CYP2U1: variants seen among roughly 807,000 people sequenced by gnomAD.
CYP2U1 encodes cytochrome P450 family 2 subfamily U member 1, also known as cytochrome P450 2U1.
Under a neutral mutation model 42.8 loss-of-function variants are expected in CYP2U1, and 28 were observed. The observed-to-expected ratio is 0.65, with a 90% CI of 0.48 to 0.90. The LOEUF (loss-of-function observed/expected upper bound fraction) is 0.90. Among genes scored for constraint, CYP2U1 ranks in the 40% least tolerant of loss-of-function variants. The pLI is 0.00. For missense variants in CYP2U1, 642 were observed against 693.8 expected (o/e 0.93, Z 0.84); for synonymous variants, 296 against 278.9 (o/e 1.06, Z -0.61).
Position 107,931,821 on chromosome 4 carries a change from C to A in CYP2U1, c.178C>A (p.Pro60Thr). Residue 60 changes from proline (P) to threonine (T), a missense_variant, in exon 1 of 5, where the codon CCG becomes ACG. Transcript: ENST00000332884. Reference sequence around the variant, plus strand: ...GCGGAGGCGCCGGGCGCGGGGCATCCCGCCCGGGCCCACGCCCTGGCCTCT... The same window carrying A: ...GCGGAGGCGCCGGGCGCGGGGCATCACGCCCGGGCCCACGCCCTGGCCTCT... ...WLRRRRARGI[P>T]PGPTPWPLVG... is the part of the protein sequence containing the mutation. The A allele has an allele frequency of 2.6e-6, 4 of 1,525,404 alleles. No homozygotes were observed. Among genetic ancestry groups the A allele is most frequent in the Non-Finnish European group, 3.5e-6 (4 of 1,135,470 alleles). 94.5% of individuals were successfully genotyped at this position (1,525,404 alleles called of 1,614,324 possible).
At chr4:107,940,213 G>C (rs976339845) in intron 1 of CYP2U1, 3 of 151,440 alleles carry the variant, frequency 2.0e-5, no homozygotes, top group African/African-American at 7.3e-5. Context: ...CCGAGTAGCT[G>C]GAACTACAGG....
intron 2 of CYP2U1, among the ~76,000 whole-genome samples, chr4:107,946,782 T>C (rs967956140): frequency 4.6e-5 from 7 of 152,090 alleles, no homozygotes; most frequent in Non-Finnish European, 1.0e-4. Context: ...AGGGTGGCTA[T>C]CCATATGACT....
intron 1 of CYP2U1, chr4:107,935,583 T>C (rs184958306): frequency 6.6e-6 from 1 of 152,160 alleles, no homozygotes; most frequent in Admixed American, 6.5e-5. Context: ...TAGCAGAGGA[T>C]TTTTTTAATA....
At chr4:107,933,867 T>G (rs1315716232) in intron 1 of CYP2U1, among the ~76,000 whole-genome samples, 3 of 151,056 alleles carry the variant, frequency 2.0e-5, no homozygotes, top group Non-Finnish European at 4.4e-5. Flanking sequence ...TACAGATGTG[T>G]TTTTTTGATC....
intron 1 of CYP2U1, chr4:107,941,149 A>T (rs1177359355): frequency 2.0e-5 from 3 of 152,220 alleles, no homozygotes; most frequent in Non-Finnish European, 4.4e-5. Context: ...ATCCACTTTT[A>T]AAAAATTTAA....
In CYP2U1 at chr4:107,931,743, G is replaced by C. The variant is rs1213198971; in HGVS notation, c.100G>C (p.Gly34Arg). ...PLGLLRLDPS[G>R]GALLLCGLVA... ...GGGGCTGCTGCGGCTGGACCCCAGCGGGGGCGCGCTGCTGCTATGCGGCCT... is the reference window on the plus strand; with the variant it reads ...GGGGCTGCTGCGGCTGGACCCCAGCCGGGGCGCGCTGCTGCTATGCGGCCT... The change falls in exon 1 of 5, where the codon GGG (glycine) becomes CGG (arginine). Residue 34 changes from glycine (G) to arginine (R), a missense_variant. Physicochemically the swap from Gly to Arg is moderately radical, Grantham distance 125. Coordinates refer to ENST00000332884, the MANE Select transcript of CYP2U1 (RefSeq NM_183075.3). 5 of 1,422,402 alleles carry C rather than the reference G, an allele frequency of 3.5e-6. No individual in the cohort carries two copies. Among genetic ancestry groups the C allele is most frequent in the South Asian group, 1.5e-5 (1 of 65,794 alleles). 88.1% of individuals were successfully genotyped at this position (1,422,402 alleles called of 1,614,324 possible). A position where few individuals can be genotyped will look rare whatever the true frequency, so the allele number is the denominator to read the frequency against.
chr4:107,942,093 G>A (rs564976109), intron 1 of CYP2U1, among the ~76,000 whole-genome samples: 6 of 152,270 alleles, frequency 3.9e-5, no homozygotes, highest in African/African-American at 1.2e-4. Flanking sequence ...GTGTATCTGC[G>A]TGACAATGGA....
intron 1 of CYP2U1, chr4:107,938,485 G>C (rs1033352810): frequency 2.0e-5 from 3 of 152,166 alleles, no homozygotes; most frequent in African/African-American, 4.8e-5. Flanking sequence ...GGGAAAATAG[G>C]CATCTCAGGA....
At chr4:107,940,890 T>TA (rs1303230766) in intron 1 of CYP2U1, 2 of 152,200 alleles carry the variant, frequency 1.3e-5, no homozygotes, top group African/African-American at 4.8e-5. Flanking sequence ...GGACTAAACT[T>TA]ACTGGCTAAA....
At position 107,947,443 on chromosome 4, in the gene CYP2U1, C is replaced by T; in HGVS notation, c.1194C>T (p.Ala398=). ...GAGCTCCTTCCCTCACAGACAAGGCCCAGATGCCCTACACAGAAGCCACCA... is the reference window on the plus strand; with the variant it reads ...GAGCTCCTTCCCTCACAGACAAGGCTCAGATGCCCTACACAGAAGCCACCA... ...ANRAPSLTDK[A]QMPYTEATIM... is the part of the protein sequence containing the mutation. The change falls in exon 3 of 5, where the codon GCC becomes GCT. Residue 398 remains alanine, a synonymous_variant. Transcript: ENST00000332884. 1 of 1,614,090 alleles carries T rather than the reference C, an allele frequency of 6.2e-7. No individual in the cohort carries two copies. The highest frequency in any genetic ancestry group is 8.5e-7 in the Non-Finnish European group (1 of 1,180,008).
chr4:107,931,702 T>G lies in CYP2U1; in HGVS notation c.59T>G (p.Leu20Arg). The change falls in exon 1 of 5, where the codon CTC (leucine) becomes CGC (arginine). Residue 20 changes from leucine to arginine, a missense_variant. Leu to Arg is a moderately radical substitution (Grantham distance 102). Transcript: ENST00000332884. The stretch of plus-strand genomic sequence containing the variant: ...GAGGACCCGCCCTGGCCCGCGCGCC[T>G]CCTGCGTGCGCCTCTGGGGCTGCTG... ...PAEDPPWPAR[L>R]LRAPLGLLRL... The G allele has an allele frequency of 7.4e-7, 1 of 1,346,170 alleles. No individual in the cohort carries two copies. The highest frequency in any genetic ancestry group is 9.5e-7 in the Non-Finnish European group (1 of 1,058,034). 83.4% of individuals were successfully genotyped at this position (1,346,170 alleles called of 1,614,324 possible).
chr4:107,943,725 A>G (rs757379845), intron 1 of CYP2U1, among the ~76,000 whole-genome samples: 16 of 152,344 alleles, frequency 1.1e-4, no homozygotes, highest in Admixed American at 3.3e-4. Flanking sequence ...GAGAAAATTT[A>G]ACCATGGAGC....
rs2126199638 is a variant in CYP2U1 at position 107,945,536 on chromosome 4, G to A, written c.1057G>A (p.Gly353Arg). 3.1e-6 allele frequency: 5 copies of A among 1,613,120 alleles called. No individual in the cohort carries two copies. Among genetic ancestry groups the A allele is most frequent in the Non-Finnish European group, 4.2e-6 (5 of 1,179,468 alleles). The change falls in exon 2 of 5, where the codon GGG becomes AGG. Residue 353 changes from glycine (G) to arginine (R), a missense_variant. Coordinates refer to ENST00000332884, the MANE Select transcript of CYP2U1 (RefSeq NM_183075.3). ...TATCATTGGGGATCTCTTTATTGCT[G>A]GGACTGATACCACAACTAACTCTTT... ...FYIIGDLFIA[G>R]TDTTTNSLLW...
rs373081734 is a variant in CYP2U1 at position 107,945,409 on chromosome 4, T to G, written c.930T>G (p.Asp310Glu). 2 of 1,614,048 alleles carry G rather than the reference T, an allele frequency of 1.2e-6. No individual in the cohort carries two copies. The highest frequency in any genetic ancestry group is 2.2e-5 in the South Asian group (2 of 91,082). The change falls in exon 2 of 5, where the codon GAT becomes GAG. Residue 310 changes from aspartate (D) to glutamate (E), a missense_variant. Coordinates refer to ENST00000332884, the MANE Select transcript of CYP2U1 (RefSeq NM_183075.3). The stretch of plus-strand genomic sequence containing the variant: ...TCAAAGACCATCAAGAGTCTCTGGA[T>G]AGAGAGAACCCTCAGGACTTCATAG... ...KIIKDHQESLDRENPQDFIDM... is the reference protein window; with the variant it reads ...KIIKDHQESLERENPQDFIDM...
chr4:107,932,139 C>G lies in CYP2U1; in HGVS notation c.490+6C>G, dbSNP rs147612190. The G allele has an allele frequency of 1.9e-6, 3 of 1,600,148 alleles. No individual in the cohort carries two copies. The highest frequency in any genetic ancestry group is 2.6e-6 in the Non-Finnish European group (3 of 1,174,466). On this transcript the variant is annotated splice_donor_region_variant and intron_variant, in intron 1 of 4. Transcript: ENST00000332884. Reference sequence around the variant, plus strand: ...CATCGTGACCAAGGAGAAGGGTGAGCGGGAGGTCGTGGGCTGTGGGTACGC... The same window carrying G: ...CATCGTGACCAAGGAGAAGGGTGAGGGGGAGGTCGTGGGCTGTGGGTACGC...
Position 107,931,606 on chromosome 4 carries a change from G to C in CYP2U1, c.-38G>C. On this transcript the variant is annotated 5_prime_UTR_variant, in exon 1 of 5. Coordinates refer to ENST00000332884, the MANE Select transcript of CYP2U1 (RefSeq NM_183075.3). ...GGCAGCTGCGTGCGCGTCTCCTCCA[G>C]GCAGCAAGGGGAACCCGAGGCCGCC... 8.0e-7 allele frequency: 1 copy of C among 1,246,018 alleles called. No homozygotes were observed. The highest frequency in any genetic ancestry group is 1.0e-6 in the Non-Finnish European group (1 of 998,062). The allele number at this position is 1,246,018 out of a possible 1,614,324, so 77.2% of individuals were successfully genotyped here.
At position 107,945,115 on chromosome 4, in the gene CYP2U1, G is replaced by A. The variant is rs748925272; in HGVS notation, c.636G>A (p.Lys212=). 1.9e-5 allele frequency: 30 copies of A among 1,613,768 alleles called. No individual in the cohort carries two copies. Among genetic ancestry groups the A allele is most frequent in the Non-Finnish European group, 2.5e-5 (30 of 1,180,004 alleles). The stretch of plus-strand genomic sequence containing the variant: ...AATATGTGAAAGCAGAAATGCAAAA[G>A]CACGGAGAAGACCCCTTCTGCCCTT... ...EFKYVKAEMQ[K]HGEDPFCPFS... The change falls in exon 2 of 5, where the codon AAG becomes AAA. Residue 212 remains lysine (K), a synonymous_variant. Coordinates refer to ENST00000332884, the MANE Select transcript of CYP2U1 (RefSeq NM_183075.3).
In CYP2U1 at chr4:107,931,649, G is replaced by A; in HGVS notation, c.6G>A (p.Ser2=). 1 of 1,255,870 alleles carries A rather than the reference G, an allele frequency of 8.0e-7. No homozygotes were observed. Among genetic ancestry groups the A allele is most frequent in the Non-Finnish European group, 1.0e-6 (1 of 1,004,244 alleles). The allele number at this position is 1,255,870 out of a possible 1,614,324, so 77.8% of individuals were successfully genotyped here. A position where few individuals can be genotyped will look rare whatever the true frequency, so the allele number is the denominator to read the frequency against. The change falls in exon 1 of 5, where the codon TCG becomes TCA. Residue 2 remains serine (S), a synonymous_variant. Transcript: ENST00000332884. ...AGGCCGCCGGCGCCCGGACCATGTC[G>A]TCTCCGGGGCCGTCGCAGCCGCCGG... M[S]SPGPSQPPAE...
chr4:107,943,136 A>T (rs1733557434), intron 1 of CYP2U1, among the ~76,000 whole-genome samples: 1 of 152,252 alleles, frequency 6.6e-6, no homozygotes, highest in South Asian at 2.1e-4. Context: ...AAATGCAAAT[A>T]AAAATCGATG....
Sources: gnomAD v4.1 joint callset for allele counts (sites outside exome capture counted in the v4.1 genomes callset) on GRCh38, gnomAD v4.1.1 for gene constraint, MANE v1.5 for transcripts, NCBI Gene and HGNC (gene_info 2026-07-23, HGNC 2026-07-21) for gene names.